The following UBE3A variants were observed in gnomAD, a reference collection of about 807,000 sequenced individuals.
UBE3A encodes ubiquitin protein ligase E3A.
A neutral mutation model predicts 83.4 loss-of-function variants in UBE3A; 6 were observed. The ratio of observed to expected loss-of-function variants is 0.07; its 90% CI spans 0.04 to 0.14. The LOEUF is 0.14. UBE3A is among the 10% of genes least tolerant of loss of function. The pLI, the probability that UBE3A is intolerant of heterozygous loss-of-function variation, is 1.00. For missense variants in UBE3A, 456 were observed against 1,036.1 expected, an observed-to-expected ratio of 0.44 and a Z score of 7.69; for synonymous variants, 337 against 355.4, an observed-to-expected ratio of 0.95 and a Z score of 0.58.
intron 1 of UBE3A, among the ~76,000 whole-genome samples, chr15:25,413,935 A>T (rs55817493): frequency 0.031 from 4,743 of 152,176 alleles, 101 homozygotes; most frequent in Non-Finnish European, 0.047. Flanking sequence ...TACCTCATAC[A>T]TGGCCTCTCT....
In UBE3A at chr15:25,396,693, G is replaced by T. The variant is rs370711411; in HGVS notation, c.62+8768C>A. 3.9e-5 allele frequency among the ~76,000 whole-genome samples: 6 copies of T among 152,218 alleles called. No individual in the cohort carries two copies. The East Asian group carries it at 1.2e-3, about 29-fold the overall frequency. On this transcript the variant is annotated intron_variant, in intron 4 of 12. Transcript: ENST00000648336. ...AGGTAAAATAAACATACGAATAAAT[G>T]AAAAGATCTGGGTTATTGCATTAGT...
chr15:25,405,445 A>G lies in UBE3A; in HGVS notation c.62+16T>C, dbSNP rs2088274250. 5.0e-6 allele frequency: 8 copies of G among 1,613,762 alleles called. No individual in the cohort carries two copies. The highest frequency in any genetic ancestry group is 2.7e-5 in the African/African-American group (2 of 74,922). On this transcript the variant is annotated intron_variant, in intron 4 of 12. Transcript: ENST00000648336. Reference sequence around the variant, plus strand: ...ACTCAAAATAAGAACCACAGTCTCAACCAAGTTACACTTACATTCGGCTAG... The same window carrying G: ...ACTCAAAATAAGAACCACAGTCTCAGCCAAGTTACACTTACATTCGGCTAG...
chr15:25,340,262 T>C (rs2074518661), intron 11 of UBE3A, 34 bp from the exon 12 acceptor site: 1 of 1,606,398 alleles, frequency 6.2e-7, no homozygotes, highest in Non-Finnish European at 8.5e-7. Flanking sequence ...GGTTTCAGTT[T>C]GGCATTCATT....
intron 5 of UBE3A, among the ~76,000 whole-genome samples, chr15:25,372,642 C>T (rs573080088): frequency 7.9e-4 from 121 of 152,304 alleles, no homozygotes; most frequent in African/African-American, 2.9e-3. Context: ...TTTCTCCCTT[C>T]TGGCTAATAG....
chr15:25,347,387 G>C (rs1181258337), intron 11 of UBE3A, among the ~76,000 whole-genome samples: 1 of 152,136 alleles, frequency 6.6e-6, no homozygotes, highest in East Asian at 1.9e-4. Flanking sequence ...TACCCACAAT[G>C]ACCGTGAAAA....
chr15:25,352,076 C>T (rs1595539887), intron 11 of UBE3A, among the ~76,000 whole-genome samples: 1 of 152,090 alleles, frequency 6.6e-6, no homozygotes, highest in East Asian at 1.9e-4. Context: ...GCACCTGTAA[C>T]CCCAGCTACT....
Position 25,356,944 on chromosome 15 carries a change from G to C in UBE3A, c.1754-48C>G, listed in dbSNP as rs772130716. ...ATACATTACTTTTGTATTTTATTAAGGACTGATGAATAATACAAATATAAA... is the reference window on the plus strand; with the variant it reads ...ATACATTACTTTTGTATTTTATTAACGACTGATGAATAATACAAATATAAA... On this transcript the variant is annotated intron_variant, in intron 7 of 12. Transcript: ENST00000648336. 3 of 1,452,518 alleles carry C rather than the reference G, an allele frequency of 2.1e-6. No individual in the cohort carries two copies. In the South Asian group the frequency reaches 3.5e-5, roughly 17 times the overall value. 90.0% of individuals were successfully genotyped at this position (1,452,518 alleles called of 1,614,324 possible).
At chr15:25,348,101 G>GA (rs1420367837) in intron 11 of UBE3A, among the ~76,000 whole-genome samples, 2 of 151,670 alleles carry the variant, frequency 1.3e-5, no homozygotes, top group African/African-American at 4.8e-5. Flanking sequence ...TCGCAAAACA[G>GA]AAAAAACTTA....
In UBE3A at chr15:25,371,385, G is replaced by A. The variant is rs1453409055; in HGVS notation, c.789C>T (p.Asn263=). The stretch of plus-strand genomic sequence containing the variant: ...TGTGATACGTCAAGTCACATTCCAC[G>A]TTAGGTGACAAATATACAAGTGCAT... ...FLNALVYLSP[N]VECDLTYHNV... Residue 263 remains asparagine, a synonymous_variant, in exon 6 of 13, where the codon AAC becomes AAT. Coordinates refer to ENST00000648336, the MANE Select transcript of UBE3A (RefSeq NM_130839.5). This position sits in a 1 kb window ranked among gnomAD's most constrained non-coding sequence, Gnocchi z 5.3. The A allele has an allele frequency of 1.2e-5, 20 of 1,613,896 alleles. No homozygotes were observed. Among genetic ancestry groups the A allele is most frequent in the Admixed American group, 1.7e-5 (1 of 59,994 alleles).
chr15:25,404,602 G>T (rs2087991083), intron 4 of UBE3A, among the ~76,000 whole-genome samples: 1 of 152,026 alleles, frequency 6.6e-6, no homozygotes, highest in African/African-American at 2.4e-5. Context: ...GGCTCTCACT[G>T]ACTGAACTAC....
intron 6 of UBE3A, among the ~76,000 whole-genome samples, chr15:25,367,654 G>T (rs1407353545): frequency 1.3e-5 from 2 of 151,922 alleles, no homozygotes; most frequent in African/African-American, 4.8e-5. Context: ...TGAATTGCTG[G>T]TATTTTTCTG....
chr15:25,383,787 A>G lies in UBE3A; in HGVS notation c.63-8024T>C, dbSNP rs370933725. ...TCCCTCTAAGATCACAAATGGAACA[A>G]GAATGCACACATTCACCACTTCTAT... On this transcript the variant is annotated intron_variant, in intron 4 of 12. Transcript: ENST00000648336. 9.2e-5 allele frequency among the ~76,000 whole-genome samples: 14 copies of G among 152,348 alleles called. No individual in the cohort carries two copies. The East Asian group carries it at 2.1e-3, about 23-fold the overall frequency.
At chr15:25,375,426 T>G in intron 5 of UBE3A, 39 bp downstream of exon 5, 1 of 1,605,790 alleles carries the variant, frequency 6.2e-7, no homozygotes, top group Non-Finnish European at 8.5e-7. Context: ...CCACATGGTT[T>G]TCAGGCAACA....
chr15:25,415,068 T>C (rs908792836), intron 1 of UBE3A, among the ~76,000 whole-genome samples: 9 of 152,214 alleles, frequency 5.9e-5, no homozygotes, highest in Admixed American at 5.9e-4. Flanking sequence ...AAGACCACGC[T>C]TATTCCCTTG....
intron 11 of UBE3A, among the ~76,000 whole-genome samples, chr15:25,348,365 T>C (rs555899142): frequency 4.7e-4 from 72 of 152,292 alleles, no homozygotes; most frequent in African/African-American, 1.7e-3. Context: ...TGGTTTTTAA[T>C]CCCAGAGAAA....
At chr15:25,403,511 T>C (rs1284585291) in intron 4 of UBE3A, among the ~76,000 whole-genome samples, 1 of 152,174 alleles carries the variant, frequency 6.6e-6, no homozygotes, top group Admixed American at 6.5e-5. Context: ...GCACTAGTGG[T>C]AGAAACGCAA....
chr15:25,340,940 G>A (rs1207508777), intron 11 of UBE3A, among the ~76,000 whole-genome samples: 1 of 152,070 alleles, frequency 6.6e-6, no homozygotes, highest in Non-Finnish European at 1.5e-5. Context: ...TGTAATAAAA[G>A]CTATGTTTTA....
At chr15:25,428,295 A>T (rs1892011903) in intron 1 of UBE3A, among the ~76,000 whole-genome samples, 6 of 152,210 alleles carry the variant, frequency 3.9e-5, no homozygotes, top group Admixed American at 3.9e-4. Context: ...AAAATAAAAA[A>T]TCCTAACTCC....
chr15:25,421,167 G>T (rs1009526538), intron 1 of UBE3A, among the ~76,000 whole-genome samples: 1 of 152,160 alleles, frequency 6.6e-6, no homozygotes, highest in African/African-American at 2.4e-5. Context: ...TACAGAGTGA[G>T]TTCGCAGATG....
Sources: gnomAD v4.1 joint callset for allele counts (sites outside exome capture counted in the v4.1 genomes callset) on GRCh38, gnomAD v4.1.1 for gene constraint, Gnocchi (gnomAD v3.1) non-coding constraint, MANE v1.5 for transcripts, NCBI Gene and HGNC (gene_info 2026-07-23, HGNC 2026-07-21) for gene names.